Variants in GSDMC observed in about 807,000 individuals in gnomAD.
GSDMC encodes the protein gasdermin C, also known as gasdermin-C.
A neutral mutation model predicts 58.0 loss-of-function variants in GSDMC; 59 were observed. The observed-to-expected ratio is 1.02, with a 90% confidence interval of 0.82 to 1.26. GSDMC has a LOEUF of 1.26. Ranked by LOEUF, GSDMC falls within the 50% of genes most tolerant of loss-of-function variation. The pLI is 0.00. For missense variants in GSDMC, 659 were observed against 598.5 expected (o/e 1.10, Z -1.06); for synonymous variants, 241 against 220.2 (o/e 1.09, Z -0.83).
At chr8:129,715,091 T>C in the GSDMC span, among the ~76,000 whole-genome samples, 7 of 152,290 alleles carry the variant, frequency 4.6e-5, no homozygotes, top group South Asian at 1.5e-3. Flanking sequence ...GGTGTGTATA[T>C]TGTAAAGCTC....
downstream of GSDMC, chr8:129,748,076 A>T (rs1052572089): frequency 3.3e-5 from 5 of 152,800 alleles, no homozygotes; most frequent in African/African-American, 9.6e-5. Flanking sequence ...ATACTTTATC[A>T]CATTTACTTG....
chr8:129,750,613 C>T (rs2033151938), intron 10 of GSDMC, 43 bp from the exon 11 acceptor site: 1 of 1,597,900 alleles, frequency 6.3e-7, no homozygotes, highest in African/African-American at 1.3e-5. Context: ...GGGGACAAGT[C>T]TTTGATTAGA....
At position 129,765,617 on chromosome 8, in the gene GSDMC, C is replaced by T. The variant is rs368060599; in HGVS notation, c.570+11G>A. 14 of 1,607,948 alleles carry T rather than the reference C, an allele frequency of 8.7e-6. No individual in the cohort carries two copies. In the African/African-American group the frequency reaches 1.6e-4, roughly 18 times the overall value. The stretch of plus-strand genomic sequence containing the variant: ...TTTGAATTTCAATCCCACTTCAGGA[C>T]AACTTTATACCTTGCCATAGGTAAT... On this transcript the variant is annotated intron_variant, in intron 4 of 13. Transcript: ENST00000276708.
the GSDMC span, among the ~76,000 whole-genome samples, chr8:129,720,583 C>T: frequency 6.6e-6 from 1 of 152,098 alleles, no homozygotes; most frequent in Non-Finnish European, 1.5e-5. Flanking sequence ...TTACATATTA[C>T]ATGTTCATGC....
the GSDMC span, among the ~76,000 whole-genome samples, chr8:129,734,228 G>A: frequency 6.6e-6 from 1 of 152,160 alleles, no homozygotes; most frequent in Non-Finnish European, 1.5e-5. Context: ...TGGGGAGAAT[G>A]GAACCAAGTT....
At chr8:129,735,217 A>T in the GSDMC span, among the ~76,000 whole-genome samples, 1 of 152,218 alleles carries the variant, frequency 6.6e-6, no homozygotes, top group Admixed American at 6.5e-5. Flanking sequence ...GGAGACTTTA[A>T]CACCCCACTG....
At chr8:129,748,973 G>A (rs1231698577) in intron 13 of GSDMC, among the ~76,000 whole-genome samples, 1 of 152,148 alleles carries the variant, frequency 6.6e-6, no homozygotes, top group East Asian at 1.9e-4. Context: ...TCCCCTTGTA[G>A]AATAGTGGTG....
At chr8:129,748,765 A>G (rs1163726843) in intron 13 of GSDMC, 25 bp from the exon 14 acceptor site, 18 of 1,489,432 alleles carry the variant, frequency 1.2e-5, no homozygotes, top group Non-Finnish European at 1.5e-5. Flanking sequence ...ATCAGGTTCT[A>G]CAGACCAGCC....
Position 129,779,583 on chromosome 8 carries a change from AC to A in GSDMC, c.-4-1993del, listed in dbSNP as rs562926721. On this transcript the variant is annotated intron_variant, in intron 1 of 13. Coordinates refer to ENST00000276708, the MANE Select transcript of GSDMC (RefSeq NM_031415.3). Reference sequence around the variant, plus strand: ...TGGCACAAGTTTACCTACATAACAAACCTACACATGTACCCCTGAACTTAAA... The same window carrying A: ...TGGCACAAGTTTACCTACATAACAAACTACACATGTACCCCTGAACTTAAA... 1.5e-4 allele frequency among the ~76,000 whole-genome samples: 23 copies of A among 152,188 alleles called. No individual in the cohort carries two copies. The East Asian group carries it at 4.2e-3, about 28-fold the overall frequency.
downstream of GSDMC, among the ~76,000 whole-genome samples, chr8:129,744,727 C>T (rs192286389): frequency 1.4e-4 from 21 of 152,276 alleles, no homozygotes; most frequent in Middle Eastern, 3.4e-3. Context: ...ACACACTAAC[C>T]GTCTTTAAGA....
intron 5 of GSDMC, among the ~76,000 whole-genome samples, chr8:129,761,941 G>A (rs1430696891): frequency 3.3e-5 from 5 of 152,182 alleles, no homozygotes; most frequent in African/African-American, 1.2e-4. Context: ...GGGAGAAGGA[G>A]GAGCTGAACT....
chr8:129,705,677 T>C, the GSDMC span: 4 of 152,082 alleles, frequency 2.6e-5, no homozygotes, highest in Non-Finnish European at 2.9e-5. Flanking sequence ...CCATGACACA[T>C]GGGGATTATG....
At chr8:129,751,505 C>A in intron 10 of GSDMC, 37 bp downstream of exon 10, 2 of 1,585,468 alleles carry the variant, frequency 1.3e-6, no homozygotes, top group African/African-American at 1.4e-5. Flanking sequence ...GCAGCTCCCA[C>A]CCAGAAGCCC....
At chr8:129,716,711 G>C in the GSDMC span, among the ~76,000 whole-genome samples, 1 of 152,110 alleles carries the variant, frequency 6.6e-6, no homozygotes, top group African/African-American at 2.4e-5. Flanking sequence ...TCAAGGGAGT[G>C]CTTCCAGGTT....
rs76075843 is a variant in GSDMC, at chr8:129,774,071, C to G, written c.404+2031G>C. On this transcript the variant is annotated intron_variant, in intron 3 of 13. Transcript: ENST00000276708. ...AAATAGAAAAAATAATCTTAAAACT[C>G]TTATGGAAAGACCCAGAATAGCTAA... 7.6e-3 allele frequency among the ~76,000 whole-genome samples: 1,164 copies of G among 152,216 alleles called. 17 individuals are homozygous for G. Among genetic ancestry groups the G allele is most frequent in the African/African-American group, 0.026 (1,093 of 41,540 alleles).
the GSDMC span, among the ~76,000 whole-genome samples, chr8:129,712,683 G>A: frequency 6.6e-6 from 1 of 152,224 alleles, no homozygotes; most frequent in Admixed American, 6.5e-5. Flanking sequence ...TAGAGACTAA[G>A]GGAGAGATAG....
At chr8:129,705,727 C>T in the GSDMC span, 1 of 152,102 alleles carries the variant, frequency 6.6e-6, no homozygotes, top group Non-Finnish European at 1.5e-5. Flanking sequence ...GGGGACACAA[C>T]CAAACCATAT....
downstream of GSDMC, among the ~76,000 whole-genome samples, chr8:129,746,356 G>A (rs944237570): frequency 6.6e-6 from 1 of 152,158 alleles, no homozygotes; most frequent in Admixed American, 6.6e-5. Flanking sequence ...AATTATAGTT[G>A]AGAGTTGAGT....
chr8:129,752,175 C>T, intron 7 of GSDMC, 28 bp from the exon 8 acceptor site: 1 of 1,591,152 alleles, frequency 6.3e-7, no homozygotes, highest in African/African-American at 1.3e-5. Context: ...AGTGTTTACT[C>T]ACCAAACATT....
Sources: gnomAD v4.1 joint callset for allele counts (sites outside exome capture counted in the v4.1 genomes callset) on GRCh38, gnomAD v4.1.1 for gene constraint, MANE v1.5 for transcripts, NCBI Gene and HGNC (gene_info 2026-07-23, HGNC 2026-07-21) for gene names.